CCSER1: variants seen among roughly 807,000 people sequenced by gnomAD.
The protein encoded by CCSER1 is coiled-coil serine rich protein 1.
CCSER1 carries 41 observed loss-of-function variants against 82.0 expected under a neutral mutation model. The observed-to-expected ratio is 0.50, with a 90% CI of 0.39 to 0.65. The LOEUF is 0.65. Ranked by LOEUF, CCSER1 falls within the 30% of genes least tolerant of loss-of-function variation. The pLI is 0.00. For synonymous variants in CCSER1, 414 were observed against 383.9 expected (o/e 1.08, Z -0.92); for missense variants, 1,119 against 1,064.2 (o/e 1.05, Z -0.72).
At chr4:90,861,197 T>C (rs1313877636) in intron 8 of CCSER1, among the ~76,000 whole-genome samples, 1 of 151,706 alleles carries the variant, frequency 6.6e-6, no homozygotes, top group Non-Finnish European at 1.5e-5. Flanking sequence ...TGCAAACCTC[T>C]GAGTTTTCTG....
intron 10 of CCSER1, among the ~76,000 whole-genome samples, chr4:91,111,615 T>G (rs1283493003): frequency 6.6e-6 from 1 of 151,782 alleles, no homozygotes; most frequent in East Asian, 1.9e-4. Flanking sequence ...AAATAAAGAT[T>G]GTATATATTT....
At chr4:90,167,936 C>T (rs998406881) in intron 1 of CCSER1, among the ~76,000 whole-genome samples, 15 of 152,142 alleles carry the variant, frequency 9.9e-5, no homozygotes, top group African/African-American at 2.4e-4. Flanking sequence ...GATAAACATA[C>T]GTGTGCATGT....
intron 10 of CCSER1, among the ~76,000 whole-genome samples, chr4:91,133,424 T>C (rs984929465): frequency 2.6e-5 from 4 of 152,154 alleles, no homozygotes; most frequent in African/African-American, 9.7e-5. Flanking sequence ...AGTCAGCGAA[T>C]GAGTAAATAT....
intron 1 of CCSER1, among the ~76,000 whole-genome samples, chr4:90,188,986 T>C (rs1735134630): frequency 6.6e-6 from 1 of 151,896 alleles, no homozygotes; most frequent in African/African-American, 2.4e-5. Flanking sequence ...GGTGTAGATA[T>C]GAAAAAATGT....
intron 10 of CCSER1, among the ~76,000 whole-genome samples, chr4:91,328,385 G>A (rs770738941): frequency 3.9e-5 from 6 of 152,118 alleles, no homozygotes; most frequent in Middle Eastern, 3.2e-3. Flanking sequence ...AAGTGTAGGA[G>A]GAAGTAGTAC....
At chr4:90,484,285 CA>C (rs1333229085) in intron 5 of CCSER1, among the ~76,000 whole-genome samples, 2 of 152,060 alleles carry the variant, frequency 1.3e-5, no homozygotes, top group East Asian at 3.9e-4. Context: ...AATTTTTTTT[CA>C]AAGTTTTTAA....
intron 1 of CCSER1, among the ~76,000 whole-genome samples, chr4:90,189,485 G>A (rs1735221460): frequency 1.3e-5 from 2 of 151,732 alleles, no homozygotes; most frequent in Admixed American, 6.6e-5. Flanking sequence ...ATGGATGTGC[G>A]CAAGTATGTT....
chr4:91,093,585 C>T (rs569208684), intron 10 of CCSER1, among the ~76,000 whole-genome samples: 2 of 152,348 alleles, frequency 1.3e-5, no homozygotes, highest in East Asian at 3.9e-4. Context: ...GCTGCCAGGG[C>T]TCTCAGACGT....
At chr4:90,138,578 G>T (rs1237339643) in intron 1 of CCSER1, among the ~76,000 whole-genome samples, 1 of 152,210 alleles carries the variant, frequency 6.6e-6, no homozygotes, top group East Asian at 1.9e-4. Context: ...TGCATTAGGG[G>T]TTAGTGAGGT....
At chr4:90,281,704 T>C (rs575869269) in intron 1 of CCSER1, among the ~76,000 whole-genome samples, 1 of 152,078 alleles carries the variant, frequency 6.6e-6, no homozygotes, top group South Asian at 2.1e-4. Flanking sequence ...ATTAGCTTTT[T>C]CTTTATGGTG....
chr4:91,516,085 A>G (rs1760105194), intron 10 of CCSER1, among the ~76,000 whole-genome samples: 1 of 151,878 alleles, frequency 6.6e-6, no homozygotes, highest in Admixed American at 6.6e-5. Context: ...ATTTATATAT[A>G]TTCCATATAG....
chr4:90,318,087 G>A (rs1211034133), intron 3 of CCSER1, among the ~76,000 whole-genome samples: 1 of 152,116 alleles, frequency 6.6e-6, no homozygotes, highest in Non-Finnish European at 1.5e-5. Flanking sequence ...TTTGTCCAGA[G>A]TCATTTAATG....
chr4:90,306,027 A>G (rs1237124597), intron 1 of CCSER1, among the ~76,000 whole-genome samples: 1 of 152,260 alleles, frequency 6.6e-6, no homozygotes, highest in African/African-American at 2.4e-5. Flanking sequence ...ATGTCACAAC[A>G]TGGATGAACC....
chr4:90,903,603 A>G (rs1581008826), intron 8 of CCSER1, among the ~76,000 whole-genome samples: 1 of 152,192 alleles, frequency 6.6e-6, no homozygotes, highest in Admixed American at 6.6e-5. Flanking sequence ...GCACATGGCT[A>G]CTGCCAGAGC....
intron 9 of CCSER1, among the ~76,000 whole-genome samples, chr4:91,016,018 T>C (rs1489971760): frequency 6.6e-6 from 1 of 152,042 alleles, no homozygotes; most frequent in Non-Finnish European, 1.5e-5. Context: ...GTCTGAATAC[T>C]TATTACTGAA....
At chr4:90,749,893 T>C (rs1748283210) in intron 7 of CCSER1, among the ~76,000 whole-genome samples, 2 of 151,950 alleles carry the variant, frequency 1.3e-5, no homozygotes, top group East Asian at 1.9e-4. Flanking sequence ...GTTGAACTAG[T>C]TTACAGTCCC....
At chr4:90,580,931 T>C (rs1328062366) in intron 5 of CCSER1, among the ~76,000 whole-genome samples, 1 of 150,866 alleles carries the variant, frequency 6.6e-6, no homozygotes, top group Admixed American at 6.6e-5. Flanking sequence ...TGAGTTTTGA[T>C]TAATTGTGTG....
intron 10 of CCSER1, among the ~76,000 whole-genome samples, chr4:91,102,642 AC>A (rs1561550377): frequency 6.6e-6 from 1 of 152,222 alleles, no homozygotes; most frequent in Non-Finnish European, 1.5e-5. Flanking sequence ...AAGGCAAAAA[AC>A]AAATGATAAT....
intron 9 of CCSER1, among the ~76,000 whole-genome samples, chr4:91,080,961 C>G (rs565717124): frequency 6.6e-6 from 1 of 152,140 alleles, no homozygotes; most frequent in Non-Finnish European, 1.5e-5. Context: ...GATTCACAGC[C>G]AAATTCTACC....
Sources: allele counts gnomAD v4.1 joint callset (sites outside exome capture counted in the v4.1 genomes callset), GRCh38; gene constraint gnomAD v4.1.1; transcripts MANE v1.5; gene names NCBI Gene and HGNC (gene_info 2026-07-23, HGNC 2026-07-21).